GMPPA: variants seen among roughly 807,000 people sequenced by gnomAD.
The protein encoded by GMPPA is mannose-1-phosphate guanylyltransferase regulatory subunit alpha.
Under a neutral mutation model 58.6 loss-of-function variants are expected in GMPPA, and 46 were observed. That is an observed-to-expected ratio of 0.78 (90% CI 0.62 to 1.00). The LOEUF is 1.00. Among genes scored for constraint, GMPPA ranks in the 50% least tolerant of loss-of-function variants. The pLI, the probability that GMPPA is intolerant of heterozygous loss-of-function variation, is 0.00. For missense variants in GMPPA, 468 were observed against 556.4 expected, an observed-to-expected ratio of 0.84 and a Z score of 1.60; for synonymous variants, 211 against 214.9, an observed-to-expected ratio of 0.98 and a Z score of 0.16.
In GMPPA at chr2:219,506,287, T is replaced by G; in HGVS notation, c.1027T>G (p.Trp343Gly). Residue 343 changes from tryptophan to glycine, a missense_variant, in exon 12 of 13, where the codon TGG becomes GGG. Coordinates refer to ENST00000313597, the MANE Select transcript of GMPPA (RefSeq NM_013335.4). ...GTGTGTTCTGCATAGCATCGTGGGC[T>G]GGGGGAGCACCGTGGGACGCTGGGC... ...HTCVLHSIVGWGSTVGRWARV... is the reference protein window; with the variant it reads ...HTCVLHSIVGGGSTVGRWARV... The G allele has an allele frequency of 6.2e-7, 1 of 1,613,690 alleles. No individual in the cohort carries two copies. Among genetic ancestry groups the G allele is most frequent in the Non-Finnish European group, 8.5e-7 (1 of 1,179,810 alleles).
chr2:219,501,397 T>G, intron 3 of GMPPA, 79 bp from the exon 4 acceptor site: 1 of 927,988 alleles, frequency 1.1e-6, no homozygotes, highest in Non-Finnish European at 1.8e-6. Flanking sequence ...GTTTCTGGAC[T>G]TTGGGCCAGC....
chr2:219,506,827 T>C lies in GMPPA; in HGVS notation c.*29T>C, dbSNP rs371877550. 9.7e-6 allele frequency: 10 copies of C among 1,032,206 alleles called. No homozygotes were observed. Among genetic ancestry groups the C allele is most frequent in the Non-Finnish European group, 1.4e-5 (9 of 650,724 alleles). 63.9% of individuals were successfully genotyped at this position (1,032,206 alleles called of 1,614,324 possible). ...GGGCTGCCAGAAGGCCCCCAGCTCC[T>C]ACCCACTCCCCTTGAGGCTGCTGCC... On this transcript the variant is annotated 3_prime_UTR_variant, in exon 13 of 13. Transcript: ENST00000313597.
At position 219,506,853 on chromosome 2, in the gene GMPPA, T is replaced by C. The variant is rs1422724989; in HGVS notation, c.*55T>C. On this transcript the variant is annotated 3_prime_UTR_variant, in exon 13 of 13. Transcript: ENST00000313597. ...ACCCACTCCCCTTGAGGCTGCTGCCTGCTTGGCCAGCCTCTGTCCAGAAAG... is the reference window on the plus strand; with the variant it reads ...ACCCACTCCCCTTGAGGCTGCTGCCCGCTTGGCCAGCCTCTGTCCAGAAAG... 1 of 850,198 alleles carries C rather than the reference T, an allele frequency of 1.2e-6. No homozygotes were observed. The highest frequency in any genetic ancestry group is 1.8e-5 in the Admixed American group (1 of 55,416). 52.7% of individuals were successfully genotyped at this position (850,198 alleles called of 1,614,324 possible).
rs201263031 is a variant in GMPPA at position 219,501,598 on chromosome 2, G to A, written c.242+19G>A. On this transcript the variant is annotated intron_variant, in intron 4 of 12. Coordinates refer to ENST00000313597, the MANE Select transcript of GMPPA (RefSeq NM_013335.4). ...CAGTCAGGTGTTTGTGCACACACTCGTATATGGGGGGGTGGGGATGCCCTA... is the reference window on the plus strand; with the variant it reads ...CAGTCAGGTGTTTGTGCACACACTCATATATGGGGGGGTGGGGATGCCCTA... 1.7e-4 allele frequency: 244 copies of A among 1,450,674 alleles called. 1 individual carries two copies. In the East Asian group the frequency reaches 4.2e-3, roughly 25 times the overall value. The allele number at this position is 1,450,674 out of a possible 1,614,324, so 89.9% of individuals were successfully genotyped here. A position where few individuals can be genotyped will look rare whatever the true frequency, so the allele number is the denominator to read the frequency against.
intron 1 of GMPPA, 151 bp downstream of exon 1, chr2:219,499,089 T>C (rs1310398421): frequency 1.3e-5 from 2 of 152,228 alleles, no homozygotes; most frequent in African/African-American, 4.8e-5. Flanking sequence ...CCAGGGTTTA[T>C]TGGACAGAGT....
Position 219,505,295 on chromosome 2 carries a change from C to A in GMPPA, c.688C>A (p.Leu230Met). The part of the protein sequence containing the change: ...IRLEQDVFSA[L>M]AGQGQIYVHL... ...CCTAGAGCAGGATGTGTTTTCAGCC[C>A]TGGCAGGGCAGGGCCAGATATACGT... Residue 230 changes from leucine to methionine, a missense_variant, in exon 8 of 13, where the codon CTG (leucine) becomes ATG (methionine). Transcript: ENST00000313597. The A allele has an allele frequency of 6.2e-7, 1 of 1,614,102 alleles. No homozygotes were observed. Among genetic ancestry groups the A allele is most frequent in the Non-Finnish European group, 8.5e-7 (1 of 1,179,958 alleles).
chr2:219,504,875 C>T, intron 7 of GMPPA: 1 of 1,110,448 alleles, frequency 9.0e-7, no homozygotes, highest in Non-Finnish European at 1.1e-6. Context: ...TGGGGTGAGT[C>T]TGTCTGTGTT....
chr2:219,505,455 C>T lies in GMPPA; in HGVS notation c.756-3C>T, dbSNP rs1229377089. The T allele has an allele frequency of 1.3e-6, 2 of 1,579,810 alleles. No homozygotes were observed. The highest frequency in any genetic ancestry group is 8.6e-7 in the Non-Finnish European group (1 of 1,161,874). ...GAGCCCCTGTCCCCCTTGCGGTCCC[C>T]AGTTCAGCCCTCTACGCCTCCCGCC... On this transcript the variant is annotated splice_region_variant and splice_polypyrimidine_tract_variant and intron_variant, in intron 8 of 12. Coordinates refer to ENST00000313597, the MANE Select transcript of GMPPA (RefSeq NM_013335.4).
At chr2:219,504,993 G>A (rs921438115) in intron 7 of GMPPA, 296 of 892,962 alleles carry the variant, frequency 3.3e-4, no homozygotes, top group Admixed American at 1.9e-4. Flanking sequence ...GCAGGGATGG[G>A]AAGCAGGCCT....
At chr2:219,500,533 A>C in intron 3 of GMPPA, 1 of 395,412 alleles carries the variant, frequency 2.5e-6, no homozygotes, top group East Asian at 4.7e-5. Context: ...CCAAGCACAA[A>C]TTCATATCCT....
rs1694486482 is a variant in GMPPA, at chr2:219,503,960, C to T, written c.490-123C>T. The stretch of plus-strand genomic sequence containing the variant: ...AGCAGTAGGATGCGGATGCGCACTG[C>T]ATTTTAGCCAGGCCACCCTGGCAGC... On this transcript the variant is annotated intron_variant, in intron 6 of 12. Coordinates refer to ENST00000313597, the MANE Select transcript of GMPPA (RefSeq NM_013335.4). 5 of 1,047,920 alleles carry T rather than the reference C, an allele frequency of 4.8e-6. No homozygotes were observed. In the East Asian group the frequency reaches 9.5e-5, roughly 20 times the overall value. The allele number at this position is 1,047,920 out of a possible 1,614,324, so 64.9% of individuals were successfully genotyped here.
At chr2:219,505,426 C>G in intron 8 of GMPPA, 32 bp from the exon 9 acceptor site, 1 of 1,599,990 alleles carries the variant, frequency 6.3e-7, no homozygotes, top group Non-Finnish European at 8.5e-7. Flanking sequence ...CCCTGCTGAC[C>G]CCTGAGCCCC....
In GMPPA at chr2:219,505,572, A is replaced by G. The variant is rs1315275057; in HGVS notation, c.853+17A>G. 6.4e-7 allele frequency: 1 copy of G among 1,569,472 alleles called. No homozygotes were observed. The highest frequency in any genetic ancestry group is 1.9e-5 in the Admixed American group (1 of 52,730). On this transcript the variant is annotated intron_variant, in intron 9 of 12. Coordinates refer to ENST00000313597, the MANE Select transcript of GMPPA (RefSeq NM_013335.4). Reference sequence around the variant, plus strand: ...GGATCCGAGGTACCCAGCCTGCCCCAATTCCTAACCTTTGGCTTCCACCCC... The same window carrying G: ...GGATCCGAGGTACCCAGCCTGCCCCGATTCCTAACCTTTGGCTTCCACCCC...
rs1694575553 is a variant in GMPPA at position 219,506,014 on chromosome 2, C to A, written c.935C>A (p.Thr312Asn). Residue 312 changes from threonine to asparagine, a missense_variant, in exon 11 of 13, where the codon ACC becomes AAC. Coordinates refer to ENST00000313597, the MANE Select transcript of GMPPA (RefSeq NM_013335.4). ...AACGTCTCCATCGGGAAGGGGGTGACCGTGGGTGAGGGTGTGCGGCTCCGG... is the reference window on the plus strand; with the variant it reads ...AACGTCTCCATCGGGAAGGGGGTGAACGTGGGTGAGGGTGTGCGGCTCCGG... ...GPNVSIGKGV[T>N]VGEGVRLRES... 1 of 1,595,106 alleles carries A rather than the reference C, an allele frequency of 6.3e-7. No homozygotes were observed. The highest frequency in any genetic ancestry group is 8.6e-7 in the Non-Finnish European group (1 of 1,169,064).
Position 219,501,594 on chromosome 2 carries a change from A to G in GMPPA, c.242+15A>G, listed in dbSNP as rs1694392151. 1 of 1,481,402 alleles carries G rather than the reference A, an allele frequency of 6.8e-7. No homozygotes were observed. The highest frequency in any genetic ancestry group is 9.4e-7 in the Non-Finnish European group (1 of 1,058,854). The allele number at this position is 1,481,402 out of a possible 1,614,324, so 91.8% of individuals were successfully genotyped here. A position where few individuals can be genotyped will look rare whatever the true frequency, so the allele number is the denominator to read the frequency against. ...CTTCCAGTCAGGTGTTTGTGCACAC[A>G]CTCGTATATGGGGGGGTGGGGATGC... is the stretch of plus-strand genomic sequence containing the variant. On this transcript the variant is annotated intron_variant, in intron 4 of 12. Transcript: ENST00000313597.
At position 219,502,517 on chromosome 2, in the gene GMPPA, C is replaced by G; in HGVS notation, c.489+76C>G. On this transcript the variant is annotated intron_variant, in intron 6 of 12. Coordinates refer to ENST00000313597, the MANE Select transcript of GMPPA (RefSeq NM_013335.4). The surrounding 1 kb of genome is among the most constrained non-coding windows in gnomAD (Gnocchi z 4.0). Reference sequence around the variant, plus strand: ...CTCTACCTCAGGCCTCTAGAGAATGCTGGCACAGTATGGGGTGGGCTCTAG... The same window carrying G: ...CTCTACCTCAGGCCTCTAGAGAATGGTGGCACAGTATGGGGTGGGCTCTAG... 8.6e-7 allele frequency: 1 copy of G among 1,156,584 alleles called. No homozygotes were observed. Among genetic ancestry groups the G allele is most frequent in the South Asian group, 1.3e-5 (1 of 79,158 alleles). 71.6% of individuals were successfully genotyped at this position (1,156,584 alleles called of 1,614,324 possible). A position where few individuals can be genotyped will look rare whatever the true frequency, so the allele number is the denominator to read the frequency against.
rs558546085 is a variant in GMPPA at position 219,506,903 on chromosome 2, G to A, written c.*105G>A. 124 of 676,856 alleles carry A rather than the reference G, an allele frequency of 1.8e-4. 1 individual carries two copies. The highest frequency in any genetic ancestry group is 1.8e-3 in the African/African-American group (100 of 56,468). The allele number at this position is 676,856 out of a possible 1,614,324, so 41.9% of individuals were successfully genotyped here. On this transcript the variant is annotated 3_prime_UTR_variant, in exon 13 of 13. Coordinates refer to ENST00000313597, the MANE Select transcript of GMPPA (RefSeq NM_013335.4). ...GGACCAGAGAAAGCCAGGCTGGATC[G>A]TCACATGCCGGGGAGCAATGTGGAT...
In GMPPA at chr2:219,506,047, T is replaced by C; in HGVS notation, c.968T>C (p.Ile323Thr). The change falls in exon 11 of 13, where the codon ATC (isoleucine) becomes ACC (threonine). Residue 323 changes from isoleucine (I) to threonine (T), a missense_variant. Ile to Thr is a moderately conservative substitution (Grantham distance 89). Transcript: ENST00000313597. ...GAGGGTGTGCGGCTCCGGGAGAGCA[T>C]CGTCCTCCATGGAGCCACTTTGCAG... ...VGEGVRLRESIVLHGATLQEH... is the reference protein window; with the variant it reads ...VGEGVRLRESTVLHGATLQEH... 6.3e-7 allele frequency: 1 copy of C among 1,592,106 alleles called. No individual in the cohort carries two copies. Among genetic ancestry groups the C allele is most frequent in the Non-Finnish European group, 8.6e-7 (1 of 1,165,964 alleles).
intron 12 of GMPPA, 117 bp downstream of exon 12, chr2:219,506,539 A>G: frequency 8.7e-7 from 1 of 1,145,746 alleles, no homozygotes; most frequent in Non-Finnish European, 1.2e-6. Flanking sequence ...ACAGTTACCA[A>G]GGGCCTGCTG....
Sources: allele counts gnomAD v4.1 joint callset, GRCh38; gene constraint gnomAD v4.1.1; non-coding constraint Gnocchi (gnomAD v3.1); transcripts MANE v1.5; gene names NCBI Gene and HGNC (gene_info 2026-07-23, HGNC 2026-07-21).